The following PTPN2 variants were observed in gnomAD, a reference collection of about 807,000 sequenced individuals.
PTPN2 encodes the protein tyrosine-protein phosphatase non-receptor type 2.
PTPN2 carries 19 observed loss-of-function variants against 57.3 expected under a neutral mutation model. The observed-to-expected ratio is 0.33, with a 90% CI of 0.23 to 0.49. The LOEUF is 0.49. Among genes scored for constraint, PTPN2 ranks in the 20% least tolerant of loss-of-function variants. The pLI, the probability that PTPN2 is intolerant of heterozygous loss-of-function variation, is 0.99. For synonymous variants in PTPN2, 153 were observed against 164.9 expected, an observed-to-expected ratio of 0.93 and a Z score of 0.55; for missense variants, 358 against 501.1, an observed-to-expected ratio of 0.71 and a Z score of 2.73.
chr18:12,859,610 TCAAA>T (rs1377787030), intron 1 of PTPN2, among the ~76,000 whole-genome samples: 3 of 152,314 alleles, frequency 2.0e-5, no homozygotes, highest in Non-Finnish European at 2.9e-5. Context: ...CAAGCAAGCA[TCAAA>T]CACTTTATGA....
intron 7 of PTPN2, among the ~76,000 whole-genome samples, chr18:12,802,537 T>G (rs1209540367): frequency 6.6e-6 from 1 of 152,126 alleles, no homozygotes; most frequent in African/African-American, 2.4e-5. Context: ...ACACATTCAA[T>G]GCAAAGAGGT....
chr18:12,867,466 G>A (rs1035236177), intron 1 of PTPN2, among the ~76,000 whole-genome samples: 3 of 151,736 alleles, frequency 2.0e-5, no homozygotes, highest in Non-Finnish European at 4.4e-5. Flanking sequence ...GTCCTCAGAT[G>A]TTGTCAAGAT....
rs571012543 is a variant in PTPN2, at chr18:12,872,939, G to C, written c.69+11134C>G. On this transcript the variant is annotated intron_variant, in intron 1 of 8. Coordinates refer to ENST00000309660, the MANE Select transcript of PTPN2 (RefSeq NM_002828.4). ...TGCTATTCCAATTAAGAATGTAACA[G>C]GCTGGACGCGGTGGCTCACGCCTGT... Among the ~76,000 whole-genome samples the C allele has an allele frequency of 3.9e-5, 6 of 152,296 alleles. No homozygotes were observed. The South Asian group carries it at 1.2e-3, about 32-fold the overall frequency.
intron 4 of PTPN2, among the ~76,000 whole-genome samples, chr18:12,826,173 C>T (rs976208355): frequency 1.3e-5 from 2 of 152,096 alleles, no homozygotes; most frequent in African/African-American, 2.4e-5. Context: ...GAGGCTGAGG[C>T]GGGAGGATCA....
intron 5 of PTPN2, among the ~76,000 whole-genome samples, chr18:12,822,928 C>T (rs907175479): frequency 2.0e-5 from 3 of 152,088 alleles, no homozygotes; most frequent in Non-Finnish European, 2.9e-5. Flanking sequence ...GAAGTAGGTA[C>T]GTTATCACCC....
intron 6 of PTPN2, 148 bp from the exon 7 acceptor site, chr18:12,814,503 A>T: frequency 1.5e-6 from 1 of 647,914 alleles, no homozygotes; most frequent in Non-Finnish European, 2.5e-6. Context: ...ACTGTTATGT[A>T]CACAACAACT....
intron 1 of PTPN2, among the ~76,000 whole-genome samples, chr18:12,876,632 T>TG (rs1467761889): frequency 6.6e-6 from 1 of 152,196 alleles, no homozygotes; most frequent in Non-Finnish European, 1.5e-5. Flanking sequence ...CATTCCCCAT[T>TG]GGGGCACCCA....
intron 8 of PTPN2, among the ~76,000 whole-genome samples, chr18:12,800,869 C>T (rs906277739): frequency 6.6e-6 from 1 of 152,204 alleles, no homozygotes; most frequent in African/African-American, 2.4e-5. Context: ...CTGTGAGAGA[C>T]AGTCTTAGAA....
In PTPN2 at chr18:12,807,578, A is replaced by T. The variant is rs1323801555; in HGVS notation, c.859-5427T>A. Among the ~76,000 whole-genome samples the T allele has an allele frequency of 9.8e-4, 58 of 59,256 alleles. 4 individuals carry two copies. Among genetic ancestry groups the T allele is most frequent in the Non-Finnish European group, 2.0e-3 (50 of 25,290 alleles). 38.9% of individuals were successfully genotyped at this position (59,256 alleles called of 152,430 possible). On this transcript the variant is annotated intron_variant, in intron 7 of 8. Transcript: ENST00000309660. Reference sequence around the variant, plus strand: ...GAGAAAGAAAATGTGGAAAAAAAAAAAAAAAAAAATATATATATATATATA... The same window carrying T: ...GAGAAAGAAAATGTGGAAAAAAAAATAAAAAAAAATATATATATATATATA...
At chr18:12,822,109 A>G (rs1173923213) in intron 5 of PTPN2, among the ~76,000 whole-genome samples, 1 of 152,218 alleles carries the variant, frequency 6.6e-6, no homozygotes, top group Admixed American at 6.5e-5. Flanking sequence ...TGTGTCATAG[A>G]TACATGTTAG....
intron 5 of PTPN2, among the ~76,000 whole-genome samples, chr18:12,818,419 T>C (rs1377705615): frequency 6.6e-6 from 1 of 152,196 alleles, no homozygotes; most frequent in Non-Finnish European, 1.5e-5. Flanking sequence ...TGTGCTAAAG[T>C]GGTTTACCAA....
chr18:12,806,002 G>A (rs1442886892), intron 7 of PTPN2, among the ~76,000 whole-genome samples: 1 of 151,900 alleles, frequency 6.6e-6, no homozygotes, highest in East Asian at 1.9e-4. Context: ...TAAGAGAAAG[G>A]GTATTCAAAT....
intron 9 of PTPN2, chr18:12,785,933 A>T: frequency 8.7e-7 from 1 of 1,154,136 alleles, no homozygotes. Context: ...AAAAGGACTA[A>T]CAATGAACTG....
chr18:12,844,028 T>C (rs765985670), intron 2 of PTPN2: 1 of 152,188 alleles, frequency 6.6e-6, no homozygotes, highest in Non-Finnish European at 1.5e-5. Flanking sequence ...GTTATATAAA[T>C]GGAATCATGT....
At chr18:12,820,256 T>G (rs1440886111) in intron 5 of PTPN2, among the ~76,000 whole-genome samples, 1 of 130,076 alleles carries the variant, frequency 7.7e-6, no homozygotes, top group Admixed American at 7.6e-5. Context: ...TCAGTTGTTG[T>G]TTTTTTTCCC....
At chr18:12,875,152 C>T (rs543544591) in intron 1 of PTPN2, among the ~76,000 whole-genome samples, 26 of 152,162 alleles carry the variant, frequency 1.7e-4, no homozygotes, top group Non-Finnish European at 3.7e-4. Flanking sequence ...TCTCAAGTAC[C>T]CAGGGACACA....
At chr18:12,871,828 A>G (rs1441360924) in intron 1 of PTPN2, among the ~76,000 whole-genome samples, 4 of 152,088 alleles carry the variant, frequency 2.6e-5, no homozygotes, top group African/African-American at 9.7e-5. Context: ...TGGGCTGATC[A>G]CTTGAAGTCA....
intron 1 of PTPN2, among the ~76,000 whole-genome samples, chr18:12,867,328 A>G (rs767933407): frequency 6.6e-6 from 1 of 151,974 alleles, no homozygotes. Flanking sequence ...CAATAAATAA[A>G]TAAATAAATA....
intron 2 of PTPN2, among the ~76,000 whole-genome samples, chr18:12,843,651 T>C (rs1298483096): frequency 6.6e-6 from 1 of 152,164 alleles, no homozygotes; most frequent in East Asian, 1.9e-4. Flanking sequence ...AGGCACCCAG[T>C]AGCAGCCTTC....
Sources: allele counts gnomAD v4.1 joint callset (sites outside exome capture counted in the v4.1 genomes callset), GRCh38; gene constraint gnomAD v4.1.1; transcripts MANE v1.5; gene names NCBI Gene and HGNC (gene_info 2026-07-23, HGNC 2026-07-21).